RASA3: variants seen among roughly 807,000 people sequenced by gnomAD.
The protein encoded by RASA3 is ras GTPase-activating protein 3.
In RASA3, 73 loss-of-function variants were observed where a neutral mutation model predicts 110.0. The ratio of observed to expected loss-of-function variants is 0.66; its 90% CI spans 0.55 to 0.81. The LOEUF (loss-of-function observed/expected upper bound fraction) is 0.81. RASA3 is among the 30% of genes least tolerant of loss of function. RASA3 has a pLI of 0.00. For synonymous variants in RASA3, 500 were observed against 451.4 expected (o/e 1.11, Z -1.37); for missense variants, 976 against 1,113.2 (o/e 0.88, Z 1.75).
chr13:114,011,020 C>G lies in RASA3; in HGVS notation c.1590+151G>C. On this transcript the variant is annotated intron_variant, in intron 16 of 23. Transcript: ENST00000334062. This position sits in a 1 kb window ranked among gnomAD's most constrained non-coding sequence, Gnocchi z 4.8. ...TGAGCGGGACGGGGACGCTCAGGTC[C>G]TGGGTTTCAAGAGAGGATGTGGTGC... 1 of 758,374 alleles carries G rather than the reference C, an allele frequency of 1.3e-6. No individual in the cohort carries two copies. Among genetic ancestry groups the G allele is most frequent in the Non-Finnish European group, 2.2e-6 (1 of 454,116 alleles). The allele number at this position is 758,374 out of a possible 1,614,324, so 47.0% of individuals were successfully genotyped here. A position where few individuals can be genotyped will look rare whatever the true frequency, so the allele number is the denominator to read the frequency against.
chr13:114,130,798 G>A (rs1405134062), intron 1 of RASA3, among the ~76,000 whole-genome samples: 3 of 152,112 alleles, frequency 2.0e-5, no homozygotes, highest in Admixed American at 1.3e-4. Flanking sequence ...CTGGAGACCT[G>A]GCACTGCCCC....
At position 114,017,327 on chromosome 13, in the gene RASA3, T is replaced by C; in HGVS notation, c.1116A>G (p.Gly372=). 1 of 1,613,952 alleles carries C rather than the reference T, an allele frequency of 6.2e-7. No individual in the cohort carries two copies. Among genetic ancestry groups the C allele is most frequent in the Non-Finnish European group, 8.5e-7 (1 of 1,180,014 alleles). ...CGATGCACTTGGACGCCAGTGAGTTTCCTCGGAAGATGGTGTTGGGGTCCC... is the reference window on the plus strand; with the variant it reads ...CGATGCACTTGGACGCCAGTGAGTTCCCTCGGAAGATGGTGTTGGGGTCCC... The part of the protein sequence containing the change: ...RTQDPNTIFR[G]NSLASKCIDE... Residue 372 remains glycine, a synonymous_variant, in exon 12 of 24, where the codon GGA becomes GGG. Coordinates refer to ENST00000334062, the MANE Select transcript of RASA3 (RefSeq NM_007368.4).
chr13:114,025,992 G>A (rs999185344), intron 7 of RASA3, among the ~76,000 whole-genome samples: 3 of 152,230 alleles, frequency 2.0e-5, no homozygotes, highest in Admixed American at 6.5e-5. Flanking sequence ...AGGGCCCCGC[G>A]CGTCCCACAC....
intron 21 of RASA3, among the ~76,000 whole-genome samples, chr13:113,995,809 T>TCCGGCTGACGGGGGGC (rs71105225): frequency 2.0e-4 from 1 of 5,046 alleles, no homozygotes; most frequent in Admixed American, 1.8e-3. Context: ...CTGATGGGGG[T>TCCGGCTGACGGGGGGC]CCGGCTGACG....
At chr13:114,034,321 G>A (rs1268066764) in intron 4 of RASA3, among the ~76,000 whole-genome samples, 1 of 152,280 alleles carries the variant, frequency 6.6e-6, no homozygotes, top group Non-Finnish European at 1.5e-5. Context: ...GCAAGGCTGT[G>A]CAGACGGAGG....
At chr13:114,079,548 T>C (rs1329234414) in intron 1 of RASA3, among the ~76,000 whole-genome samples, 2 of 152,158 alleles carry the variant, frequency 1.3e-5, no homozygotes, top group Non-Finnish European at 1.5e-5. Context: ...GACTAAAATA[T>C]CTGAATAAAG....
intron 13 of RASA3, 32 bp downstream of exon 13, chr13:114,016,165 C>T: frequency 4.6e-6 from 7 of 1,532,618 alleles, no homozygotes; most frequent in Non-Finnish European, 6.3e-6. Context: ...AAGCAGGTGA[C>T]TGGCTTTGGT....
At chr13:114,001,893 G>C (rs1328684466) in intron 18 of RASA3, among the ~76,000 whole-genome samples, 1 of 152,278 alleles carries the variant, frequency 6.6e-6, no homozygotes, top group African/African-American at 2.4e-5. Flanking sequence ...CCCTGCTGTG[G>C]TAGAAGGCGC....
intron 2 of RASA3, among the ~76,000 whole-genome samples, chr13:114,066,606 T>C (rs2079455067): frequency 6.6e-6 from 1 of 152,300 alleles, no homozygotes; most frequent in South Asian, 2.1e-4. Flanking sequence ...TGGGGCAGCC[T>C]GCCATGTGCA....
At chr13:114,063,679 G>T (rs1201312595) in intron 2 of RASA3, among the ~76,000 whole-genome samples, 4 of 152,240 alleles carry the variant, frequency 2.6e-5, no homozygotes, top group African/African-American at 9.7e-5. Flanking sequence ...AGCAGCAGGG[G>T]TGAGCACCCT....
At position 114,017,360 on chromosome 13, in the gene RASA3, T is replaced by A; in HGVS notation, c.1092-9A>T. 6.2e-7 allele frequency: 1 copy of A among 1,609,084 alleles called. No individual in the cohort carries two copies. Among genetic ancestry groups the A allele is most frequent in the South Asian group, 1.1e-5 (1 of 90,970 alleles). On this transcript the variant is annotated splice_polypyrimidine_tract_variant and intron_variant, in intron 11 of 23. Transcript: ENST00000334062. ...AGATGGTGTTGGGGTCCCTGGGAAA[T>A]GGCGATGGGGACAGCGTTTGTCTCC...
intron 2 of RASA3, among the ~76,000 whole-genome samples, chr13:114,052,774 G>A (rs1014611759): frequency 1.6e-4 from 23 of 142,574 alleles, no homozygotes; most frequent in African/African-American, 5.2e-4. Flanking sequence ...GCTCCTGGGG[G>A]AGAGACCCCC....
At chr13:113,979,626 A>T (rs1298003234) in intron 23 of RASA3, among the ~76,000 whole-genome samples, 1 of 152,162 alleles carries the variant, frequency 6.6e-6, no homozygotes, top group East Asian at 1.9e-4. Flanking sequence ...TCAGGCGTGC[A>T]AGTACATGTG....
intron 1 of RASA3, among the ~76,000 whole-genome samples, chr13:114,106,159 A>G (rs1235694453): frequency 1.3e-5 from 2 of 152,228 alleles, no homozygotes; most frequent in East Asian, 3.8e-4. Context: ...TGAACTTTCA[A>G]TAATACATAG....
chr13:114,129,767 A>T (rs1239787196), intron 1 of RASA3, among the ~76,000 whole-genome samples: 3 of 152,176 alleles, frequency 2.0e-5, no homozygotes, highest in Admixed American at 1.3e-4. Flanking sequence ...GGCTTTTGCA[A>T]ACGGAAAAAT....
intron 1 of RASA3, among the ~76,000 whole-genome samples, chr13:114,116,978 CGT>C (rs2080288370): frequency 9.2e-6 from 1 of 108,812 alleles, no homozygotes. Flanking sequence ...GAGGGGAGCA[CGT>C]GTGTGAGGGA....
intron 1 of RASA3, among the ~76,000 whole-genome samples, chr13:114,099,145 G>A (rs1244171995): frequency 3.0e-4 from 35 of 117,380 alleles, no homozygotes; most frequent in African/African-American, 6.7e-4. Flanking sequence ...GTCGGGGCCC[G>A]GCCACCCGAG....
chr13:114,026,288 G>A (rs1436128060), intron 7 of RASA3, among the ~76,000 whole-genome samples: 2 of 152,172 alleles, frequency 1.3e-5, no homozygotes, highest in Non-Finnish European at 2.9e-5. Context: ...CTGCCACCTG[G>A]AACTCGGTCC....
intron 2 of RASA3, among the ~76,000 whole-genome samples, chr13:114,060,255 G>A (rs1045828162): frequency 5.3e-5 from 8 of 152,200 alleles, no homozygotes; most frequent in African/African-American, 1.9e-4. Context: ...GGGTGCAGCC[G>A]AGGTCACGTG....
Sources: gnomAD v4.1 joint callset for allele counts (sites outside exome capture counted in the v4.1 genomes callset) on GRCh38, gnomAD v4.1.1 for gene constraint, Gnocchi (gnomAD v3.1) non-coding constraint, MANE v1.5 for transcripts, NCBI Gene and HGNC (gene_info 2026-07-23, HGNC 2026-07-21) for gene names.